Variants in EPHA4 observed in about 807,000 individuals in gnomAD.
The protein encoded by EPHA4 is EPH receptor A4.
A neutral mutation model predicts 108.3 loss-of-function variants in EPHA4; 19 were observed. The ratio of observed to expected loss-of-function variants is 0.18; its 90% CI spans 0.12 to 0.26. The LOEUF is 0.26. Among genes scored for constraint, EPHA4 ranks in the 10% least tolerant of loss-of-function variants. The probability of loss-of-function intolerance (pLI) is 1.00; values close to 1 mark genes in which losing one functional copy is unlikely to be tolerated. For synonymous variants in EPHA4, 449 were observed against 455.5 expected (o/e 0.99, Z 0.18); for missense variants, 917 against 1,254.0 (o/e 0.73, Z 4.06).
rs1389286896 is a variant in EPHA4, at chr2:221,465,689, A to C, written c.1319-7699T>G. ...CATAAATAGCTCCCTGTGACTCTCC[A>C]TTTTCTTGAACCCACAAGCCAGAGG... is the stretch of plus-strand genomic sequence containing the variant. On this transcript the variant is annotated intron_variant, in intron 5 of 17. Coordinates refer to ENST00000281821, the MANE Select transcript of EPHA4 (RefSeq NM_004438.5). Among the ~76,000 whole-genome samples, 4 of 152,030 alleles carry C rather than the reference A, an allele frequency of 2.6e-5. No homozygotes were observed. The South Asian group carries it at 6.2e-4, about 24-fold the overall frequency.
intron 4 of EPHA4, among the ~76,000 whole-genome samples, chr2:221,483,647 C>T (rs1691897161): frequency 6.6e-6 from 1 of 151,946 alleles, no homozygotes; most frequent in Non-Finnish European, 1.5e-5. Flanking sequence ...TCCCAAGTAG[C>T]TGAAAATACA....
chr2:221,543,295 A>G (rs543269978), intron 3 of EPHA4, among the ~76,000 whole-genome samples: 3 of 152,222 alleles, frequency 2.0e-5, no homozygotes, highest in African/African-American at 7.2e-5. Context: ...AGCCATTAAA[A>G]ATAATGTTAT....
intron 8 of EPHA4, among the ~76,000 whole-genome samples, chr2:221,451,323 C>G (rs776722057): frequency 1.7e-4 from 26 of 152,030 alleles, no homozygotes; most frequent in Non-Finnish European, 2.1e-4. Flanking sequence ...GAAATCATTA[C>G]TATAAAAGGG....
intron 3 of EPHA4, chr2:221,502,463 C>CA (rs1692513525): frequency 4.3e-6 from 2 of 468,268 alleles, no homozygotes; most frequent in Non-Finnish European, 8.8e-6. Flanking sequence ...AAGGACCTAT[C>CA]AGCCATTTTC....
intron 3 of EPHA4, among the ~76,000 whole-genome samples, chr2:221,552,792 C>T (rs998377648): frequency 3.3e-5 from 5 of 152,054 alleles, no homozygotes; most frequent in Admixed American, 6.5e-5. Flanking sequence ...GAATTTTGAT[C>T]GAGAAATTTG....
At chr2:221,539,044 A>C (rs571298338) in intron 3 of EPHA4, among the ~76,000 whole-genome samples, 1 of 152,230 alleles carries the variant, frequency 6.6e-6, no homozygotes, top group South Asian at 2.1e-4. Flanking sequence ...ATCCAACTGA[A>C]GGGGAAAGTG....
At chr2:221,462,063 A>T (rs186898945) in intron 5 of EPHA4, among the ~76,000 whole-genome samples, 159 of 149,888 alleles carry the variant, frequency 1.1e-3, no homozygotes, top group Non-Finnish European at 2.0e-3. Context: ...CTACCCACGG[A>T]CTTCTTTCAT....
intron 9 of EPHA4, among the ~76,000 whole-genome samples, chr2:221,445,495 T>C (rs1015822172): frequency 2.2e-4 from 31 of 143,906 alleles, no homozygotes; most frequent in Non-Finnish European, 2.4e-4. Flanking sequence ...GAGGCTGAGG[T>C]GGGAGAATGG....
intron 13 of EPHA4, among the ~76,000 whole-genome samples, 153 bp downstream of exon 13, chr2:221,436,246 C>T (rs1690233293): frequency 6.6e-6 from 1 of 152,100 alleles, no homozygotes; most frequent in Non-Finnish European, 1.5e-5. Flanking sequence ...TTATTGGAAA[C>T]ATGGTTTAAA....
At position 221,516,787 on chromosome 2, in the gene EPHA4, T is replaced by C. The variant is rs1188293095; in HGVS notation, c.824-15615A>G. Among the ~76,000 whole-genome samples, 3 of 152,204 alleles carry C rather than the reference T, an allele frequency of 2.0e-5. No individual in the cohort carries two copies. The East Asian group carries it at 5.8e-4, about 29-fold the overall frequency. On this transcript the variant is annotated intron_variant, in intron 3 of 17. Coordinates refer to ENST00000281821, the MANE Select transcript of EPHA4 (RefSeq NM_004438.5). ...TCCAGGACTGGTGCAGACTCATTTA[T>C]GGAGCTCAGGAACTGAGCTCCAACA... is the stretch of plus-strand genomic sequence containing the variant.
intron 4 of EPHA4, among the ~76,000 whole-genome samples, chr2:221,493,581 A>G (rs1692215582): frequency 6.6e-6 from 1 of 152,244 alleles, no homozygotes; most frequent in African/African-American, 2.4e-5. Flanking sequence ...TCGAATCGAC[A>G]TTGGGTTTCC....
intron 11 of EPHA4, 87 bp downstream of exon 11, chr2:221,442,742 C>A: frequency 7.2e-7 from 1 of 1,393,926 alleles, no homozygotes. Context: ...TGGGTCTGCG[C>A]CATCTGTCAT....
chr2:221,533,882 C>T (rs1222519933), intron 3 of EPHA4, among the ~76,000 whole-genome samples: 2 of 152,134 alleles, frequency 1.3e-5, no homozygotes, highest in African/African-American at 4.8e-5. Context: ...GACTCTTTGC[C>T]ACCTTGGGTG....
In EPHA4 at chr2:221,558,854, C is replaced by T. The variant is rs150542729; in HGVS notation, c.823+4877G>A. Among the ~76,000 whole-genome samples the T allele has an allele frequency of 2.3e-4, 35 of 152,130 alleles. No individual in the cohort carries two copies. The East Asian group carries it at 3.1e-3, about 13-fold the overall frequency. On this transcript the variant is annotated intron_variant, in intron 3 of 17. Transcript: ENST00000281821. The stretch of plus-strand genomic sequence containing the variant: ...AATGATCACAGCCATGCTTCAAAGC[C>T]GGAGATAAAAGCAGCCATGTGATTC...
At chr2:221,426,371 A>T (rs536681197) in intron 16 of EPHA4, 93 bp downstream of exon 16, 323 of 1,430,110 alleles carry the variant, frequency 2.3e-4, no homozygotes, top group Non-Finnish European at 2.4e-4. Flanking sequence ...GATTTTTTTT[A>T]AATGAGTAGG....
intron 4 of EPHA4, among the ~76,000 whole-genome samples, chr2:221,496,171 A>T (rs1692287271): frequency 6.6e-6 from 1 of 152,138 alleles, no homozygotes; most frequent in Non-Finnish European, 1.5e-5. Flanking sequence ...TCATCTGAAC[A>T]AGAGGTTCTT....
At chr2:221,555,841 C>T (rs540012732) in intron 3 of EPHA4, among the ~76,000 whole-genome samples, 1 of 152,122 alleles carries the variant, frequency 6.6e-6, no homozygotes, top group African/African-American at 2.4e-5. Flanking sequence ...AAATTGCTGC[C>T]TAATTTTATA....
chr2:221,554,037 A>G (rs962654114), intron 3 of EPHA4, among the ~76,000 whole-genome samples: 1 of 152,218 alleles, frequency 6.6e-6, no homozygotes, highest in African/African-American at 2.4e-5. Flanking sequence ...TCTGTAACTT[A>G]TTAAGAAGAG....
In EPHA4 at chr2:221,456,770, A is replaced by G. The variant is rs1559248956; in HGVS notation, c.1446T>C (p.Asp482=). ...CTATACGATAGCTTCGCTCATTCTG[A>G]TCCTACATCATGGCAAGATAAAATT... is the stretch of plus-strand genomic sequence containing the variant. ...LEYEVKYYEK[D]QNERSYRIVR... Residue 482 remains aspartate, a splice_region_variant and synonymous_variant, in exon 7 of 18, where the codon GAT becomes GAC. Transcript: ENST00000281821. 4.3e-6 allele frequency: 7 copies of G among 1,613,390 alleles called. No individual in the cohort carries two copies. Among genetic ancestry groups the G allele is most frequent in the South Asian group, 1.1e-5 (1 of 91,022 alleles).
Sources: allele counts gnomAD v4.1 joint callset (sites outside exome capture counted in the v4.1 genomes callset), GRCh38; gene constraint gnomAD v4.1.1; transcripts MANE v1.5; gene names NCBI Gene and HGNC (gene_info 2026-07-23, HGNC 2026-07-21).